The following ADAMTSL1 variants were observed in gnomAD, a reference collection of about 807,000 sequenced individuals.
ADAMTSL1 encodes the protein ADAMTS like 1.
ADAMTSL1 carries 126 observed loss-of-function variants against 201.8 expected under a neutral mutation model. The ratio of observed to expected loss-of-function variants is 0.62; its 90% confidence interval spans 0.54 to 0.72. The LOEUF (loss-of-function observed/expected upper bound fraction) is 0.72, where lower values mean the gene tolerates loss of function less well. ADAMTSL1 is among the 30% of genes least tolerant of loss of function. The pLI is 0.00. For missense variants in ADAMTSL1, 2,679 were observed against 2,277.8 expected, an observed-to-expected ratio of 1.18 and a Z score of -3.59; for synonymous variants, 1,121 against 903.4, an observed-to-expected ratio of 1.24 and a Z score of -4.32.
At chr9:18,664,665 AAAAAG>A (rs567461728) in intron 9 of ADAMTSL1, among the ~76,000 whole-genome samples, 17 of 152,204 alleles carry the variant, frequency 1.1e-4, no homozygotes, top group African/African-American at 4.1e-4. Flanking sequence ...AAATAAATTT[AAAAAG>A]AAAAGTCCCA....
chr9:18,570,883 G>C (rs1224705758), intron 3 of ADAMTSL1, among the ~76,000 whole-genome samples: 1 of 152,170 alleles, frequency 6.6e-6, no homozygotes, highest in Non-Finnish European at 1.5e-5. Context: ...TTCTCTAGTT[G>C]TGAAACCATA....
intron 1 of ADAMTSL1, among the ~76,000 whole-genome samples, chr9:18,049,571 A>C (rs1198969313): frequency 6.6e-6 from 1 of 151,090 alleles, no homozygotes; most frequent in Non-Finnish European, 1.5e-5. Flanking sequence ...CCAGTGGTAG[A>C]GTCCTGATGG....
chr9:18,284,031 G>C (rs1451811409), intron 2 of ADAMTSL1, among the ~76,000 whole-genome samples: 2 of 151,384 alleles, frequency 1.3e-5, no homozygotes, highest in African/African-American at 2.4e-5. Flanking sequence ...AGCAGTTCGA[G>C]ACCAGCCTCA....
At chr9:18,786,778 AT>A (rs1821732857) in intron 19 of ADAMTSL1, among the ~76,000 whole-genome samples, 1 of 152,226 alleles carries the variant, frequency 6.6e-6, no homozygotes, top group African/African-American at 2.4e-5. Context: ...TCCAGGCATC[AT>A]GAGGGGATGT....
intron 1 of ADAMTSL1, among the ~76,000 whole-genome samples, chr9:17,936,720 G>A (rs528935906): frequency 6.6e-6 from 1 of 152,266 alleles, no homozygotes; most frequent in South Asian, 2.1e-4. Flanking sequence ...TACCACCCCT[G>A]CTTGCTGCCA....
At chr9:18,151,591 A>G (rs967285043) in intron 1 of ADAMTSL1, among the ~76,000 whole-genome samples, 4 of 152,162 alleles carry the variant, frequency 2.6e-5, no homozygotes, top group African/African-American at 9.6e-5. Flanking sequence ...ATTGTATTCA[A>G]CAAACACAGT....
Position 17,909,806 on chromosome 9 carries a change from G to T in ADAMTSL1, c.87+2884G>T, listed in dbSNP as rs1467816477. On this transcript the variant is annotated intron_variant, in intron 1 of 29. Coordinates refer to the ADAMTSL1 transcript ENST00000680146. The stretch of plus-strand genomic sequence containing the variant: ...TGAGAACACATGGACACAGGAAGGG[G>T]AACATCACACTCTGGGGCCTGTTGT... Among the ~76,000 whole-genome samples, 4 of 64,816 alleles carry T rather than the reference G, an allele frequency of 6.2e-5. 1 individual carries two copies. The highest frequency in any genetic ancestry group is 1.2e-4 in the African/African-American group (4 of 32,126). 42.5% of individuals were successfully genotyped at this position (64,816 alleles called of 152,430 possible). A position where few individuals can be genotyped will look rare whatever the true frequency, so the allele number is the denominator to read the frequency against.
intron 23 of ADAMTSL1, among the ~76,000 whole-genome samples, chr9:18,886,166 G>GTATATA (rs751978972): frequency 1.3e-4 from 5 of 37,120 alleles, no homozygotes; most frequent in Non-Finnish European, 2.0e-4. Context: ...GTGTGTATGT[G>GTATATA]TATATATATA....
chr9:18,727,949 G>A (rs890530850), intron 15 of ADAMTSL1, among the ~76,000 whole-genome samples: 20 of 152,066 alleles, frequency 1.3e-4, no homozygotes, highest in Middle Eastern at 3.4e-3. Flanking sequence ...GTGTGGTGGC[G>A]TGCCCCTGTA....
At chr9:18,367,573 G>A (rs557968905) in intron 2 of ADAMTSL1, among the ~76,000 whole-genome samples, 14 of 151,892 alleles carry the variant, frequency 9.2e-5, no homozygotes, top group Middle Eastern at 3.4e-3. Flanking sequence ...AATATACTAT[G>A]TATAAATATA....
At chr9:18,549,991 T>G (rs983516887) in intron 3 of ADAMTSL1, among the ~76,000 whole-genome samples, 23 of 152,012 alleles carry the variant, frequency 1.5e-4, no homozygotes, top group African/African-American at 5.6e-4. Context: ...TTCTATCAGA[T>G]GGTCCTTCCT....
chr9:18,508,255 A>C (rs1302828587), intron 2 of ADAMTSL1, among the ~76,000 whole-genome samples: 1 of 152,120 alleles, frequency 6.6e-6, no homozygotes, highest in African/African-American at 2.4e-5. Flanking sequence ...GAGATTCTCA[A>C]ATGTTTGTGT....
chr9:17,956,063 A>C (rs953780888), intron 1 of ADAMTSL1, among the ~76,000 whole-genome samples: 1 of 152,220 alleles, frequency 6.6e-6, no homozygotes, highest in African/African-American at 2.4e-5. Flanking sequence ...CTGTGGAAAA[A>C]TCTGAATAGT....
chr9:18,798,332 T>G (rs1822562226), intron 20 of ADAMTSL1, among the ~76,000 whole-genome samples: 2 of 152,234 alleles, frequency 1.3e-5, no homozygotes, highest in African/African-American at 4.8e-5. Context: ...GAGCAACGTC[T>G]TTATACTCAC....
chr9:18,408,585 T>C (rs1807339215), intron 2 of ADAMTSL1, among the ~76,000 whole-genome samples: 3 of 152,224 alleles, frequency 2.0e-5, no homozygotes, highest in Non-Finnish European at 2.9e-5. Flanking sequence ...CCTGCTCTTC[T>C]AGAGCTTGCA....
chr9:18,232,101 C>G (rs1402607165), intron 2 of ADAMTSL1, among the ~76,000 whole-genome samples: 3 of 152,308 alleles, frequency 2.0e-5, no homozygotes, highest in East Asian at 1.9e-4. Flanking sequence ...AGAGCAGAGG[C>G]TGTCAGGCCC....
chr9:18,264,104 C>T (rs1303743322), intron 2 of ADAMTSL1, among the ~76,000 whole-genome samples: 2 of 152,126 alleles, frequency 1.3e-5, no homozygotes, highest in Non-Finnish European at 2.9e-5. Context: ...TGCTGTGTCT[C>T]CATTACTAGC....
chr9:18,804,857 C>T (rs1339456401), intron 20 of ADAMTSL1, among the ~76,000 whole-genome samples: 2 of 152,184 alleles, frequency 1.3e-5, no homozygotes, highest in African/African-American at 4.8e-5. Context: ...GATATACTCA[C>T]TCTTTGTAAG....
chr9:18,183,969 T>C (rs922377498), intron 2 of ADAMTSL1, among the ~76,000 whole-genome samples: 1 of 152,188 alleles, frequency 6.6e-6, no homozygotes, highest in Non-Finnish European at 1.5e-5. Context: ...ATCTGAGACA[T>C]TGTTTTTCAG....
Sources: gnomAD v4.1 joint callset for allele counts (sites outside exome capture counted in the v4.1 genomes callset) on GRCh38, gnomAD v4.1.1 for gene constraint, MANE v1.5 for transcripts, NCBI Gene and HGNC (gene_info 2026-07-23, HGNC 2026-07-21) for gene names.